The following RFESD variants were observed in gnomAD, a reference collection of about 807,000 sequenced individuals.
The protein encoded by RFESD is Rieske domain-containing protein.
A neutral mutation model predicts 24.4 loss-of-function variants in RFESD; 16 were observed. The observed-to-expected ratio is 0.66, with a 90% CI of 0.44 to 1.00. The LOEUF (loss-of-function observed/expected upper bound fraction) is 1.00. RFESD is among the 50% of genes least tolerant of loss of function. RFESD has a pLI of 0.00. For synonymous variants in RFESD, 59 were observed against 81.8 expected (o/e 0.72, Z 1.50); for missense variants, 208 against 247.0 (o/e 0.84, Z 1.06).
In RFESD at chr5:95,656,214, G is replaced by A. The variant is rs780581345; in HGVS notation, c.538G>A (p.Gly180Arg). Residue 180 changes from glycine to arginine, a missense_variant, in exon 6 of 6, where the codon GGA (glycine) becomes AGA (arginine). Gly to Arg is a moderately radical substitution (Grantham distance 125). Coordinates refer to ENST00000380005, the MANE Select transcript of RFESD (RefSeq NM_001131066.2). ...GATTCACACAGTGACAGTAGACAAC[G>A]GAAATATTTATGTGACTCTTTCTAA... ...QRIHTVTVDN[G>R]NIYVTLSNEP... The A allele has an allele frequency of 9.3e-6, 15 of 1,613,686 alleles. No homozygotes were observed. The Admixed American group carries it at 1.0e-4, about 11-fold the overall frequency.
At chr5:95,651,643 C>T (rs1209549500) in intron 1 of RFESD, among the ~76,000 whole-genome samples, 2 of 152,198 alleles carry the variant, frequency 1.3e-5, no homozygotes, top group African/African-American at 2.4e-5. Flanking sequence ...TTGATTTTCC[C>T]ACCCAGGCCT....
chr5:95,652,323 C>T lies in RFESD; in HGVS notation c.52C>T (p.Pro18Ser). The change falls in exon 2 of 6, where the codon CCT becomes TCT. Residue 18 changes from proline to serine, a missense_variant. By Grantham distance (74) the Pro-to-Ser change is moderately conservative. Coordinates refer to ENST00000380005, the MANE Select transcript of RFESD (RefSeq NM_001131066.2). ...TAGACCTTCTTCCTTATCTACACTT[C>T]CTCTCCAAGTGAGTCCATAGAATTC... ...CLRPSSLSTLPLQYGILFPKL... is the reference protein window; with the variant it reads ...CLRPSSLSTLSLQYGILFPKL... 1 of 1,550,852 alleles carries T rather than the reference C, an allele frequency of 6.4e-7. No individual in the cohort carries two copies. Among genetic ancestry groups the T allele is most frequent in the South Asian group, 1.2e-5 (1 of 83,908 alleles).
At chr5:95,652,612 G>T in intron 2 of RFESD, 1 of 331,172 alleles carries the variant, frequency 3.0e-6, no homozygotes. Flanking sequence ...TTTTTCTGTA[G>T]CATCTTCATT....
intron 1 of RFESD, among the ~76,000 whole-genome samples, chr5:95,648,700 T>C (rs1189376440): frequency 6.6e-6 from 1 of 152,196 alleles, no homozygotes; most frequent in Non-Finnish European, 1.5e-5. Flanking sequence ...TCTGCTCCTT[T>C]TTTATCAGTC....
chr5:95,654,409 A>G (rs778616889), intron 5 of RFESD, 42 bp downstream of exon 5: 47 of 1,266,674 alleles, frequency 3.7e-5, no homozygotes, highest in Non-Finnish European at 4.8e-5. Context: ...TCAGCAAATA[A>G]ATATATTCAA....
chr5:95,655,461 A>G (rs1490188587), intron 5 of RFESD: 5 of 152,266 alleles, frequency 3.3e-5, no homozygotes, highest in Non-Finnish European at 7.3e-5. Context: ...CTTCTTAGAC[A>G]TGCAGAATCT....
chr5:95,652,450 T>C (rs1477734805), intron 2 of RFESD, 119 bp downstream of exon 2: 1 of 1,268,296 alleles, frequency 7.9e-7, no homozygotes, highest in Non-Finnish European at 1.1e-6. Flanking sequence ...GTCTCTGAGA[T>C]ACCTTAAACT....
In RFESD at chr5:95,657,989, C is replaced by T. The variant is rs1349897075; in HGVS notation, c.*1680C>T. Reference sequence around the variant, plus strand: ...TTACAGAAATATTTTCTCATAGGAGCCACTGGCAATAATGAGTAGTGTGCA... The same window carrying T: ...TTACAGAAATATTTTCTCATAGGAGTCACTGGCAATAATGAGTAGTGTGCA... On this transcript the variant is annotated 3_prime_UTR_variant, in exon 6 of 6. Coordinates refer to ENST00000380005, the MANE Select transcript of RFESD (RefSeq NM_001131066.2). 2.6e-5 allele frequency: 4 copies of T among 152,142 alleles called. No individual in the cohort carries two copies. The highest frequency in any genetic ancestry group is 5.9e-5 in the Non-Finnish European group (4 of 68,014). The allele number at this position is 152,142 out of a possible 1,614,324, so 9.4% of individuals were successfully genotyped here.
chr5:95,650,621 C>T (rs1392797084), intron 1 of RFESD, among the ~76,000 whole-genome samples: 1 of 152,186 alleles, frequency 6.6e-6, no homozygotes, highest in African/African-American at 2.4e-5. Flanking sequence ...CATTTTAAAA[C>T]TTCCAATCAG....
chr5:95,654,001 T>G (rs1750542254), intron 3 of RFESD, 60 bp from the exon 4 acceptor site: 39 of 1,458,786 alleles, frequency 2.7e-5, no homozygotes, highest in Non-Finnish European at 3.7e-5. Context: ...GTTATCTCCA[T>G]TAAGCTGGAA....
chr5:95,657,941 C>CAG lies in RFESD; in HGVS notation c.*1632_*1633insAG, dbSNP rs80322625. The stretch of plus-strand genomic sequence containing the variant: ...TCAAAGTACTTTCTTCAGGCAAAAA[C>CAG]TAGCCCTGGTTTGCAGGAATAATTA... On this transcript the variant is annotated 3_prime_UTR_variant, in exon 6 of 6. Transcript: ENST00000380005. 4 of 151,864 alleles carry CAG rather than the reference C, an allele frequency of 2.6e-5. No individual in the cohort carries two copies. Among genetic ancestry groups the CAG allele is most frequent in the Non-Finnish European group, 5.9e-5 (4 of 67,930 alleles). The allele number at this position is 151,864 out of a possible 1,614,324, so 9.4% of individuals were successfully genotyped here.
rs1028333540 is a variant in RFESD, at chr5:95,656,124, C to A, written c.448C>A (p.Gln150Lys). The A allele has an allele frequency of 3.1e-6, 5 of 1,613,552 alleles. No homozygotes were observed. The African/African-American group carries it at 6.7e-5, about 22-fold the overall frequency. Reference sequence around the variant, plus strand: ...TTTGGCAACAGGAGAAGGTCTGTACCAGTCTATAAACCCTAAAGATCCATC... The same window carrying A: ...TTTGGCAACAGGAGAAGGTCTGTACAAGTCTATAAACCCTAAAGATCCATC... Reference protein sequence around the residue: ...ITLATGEGLYQSINPKDPSAK... With the variant: ...ITLATGEGLYKSINPKDPSAK... Residue 150 changes from glutamine (Q) to lysine (K), a missense_variant, in exon 6 of 6, where the codon CAG (glutamine) becomes AAG (lysine). Physicochemically the swap from Gln to Lys is moderately conservative, Grantham distance 53. Transcript: ENST00000380005.
chr5:95,654,982 G>A (rs1750651202), intron 5 of RFESD, among the ~76,000 whole-genome samples: 1 of 152,040 alleles, frequency 6.6e-6, no homozygotes, highest in African/African-American at 2.4e-5. Flanking sequence ...GAGGAACGGG[G>A]GAAGTTGTCT....
chr5:95,646,964 CG>C (rs1750125748), intron 1 of RFESD, 147 bp downstream of exon 1: 2 of 152,550 alleles, frequency 1.3e-5, no homozygotes, highest in African/African-American at 4.8e-5. Context: ...CGTTAGTTAA[CG>C]GTTAACCCGC....
chr5:95,648,406 G>A (rs1402324351), intron 1 of RFESD, among the ~76,000 whole-genome samples: 1 of 152,086 alleles, frequency 6.6e-6, no homozygotes, highest in Admixed American at 6.6e-5. Flanking sequence ...TCTTAAAGTA[G>A]ACTTAAAATC....
chr5:95,648,191 A>G (rs1385988157), intron 1 of RFESD: 1 of 152,214 alleles, frequency 6.6e-6, no homozygotes, highest in African/African-American at 2.4e-5. Context: ...AAAGGAATCT[A>G]ATAGTGACCG....
chr5:95,652,513 A>G (rs1170360969), intron 2 of RFESD, 182 bp downstream of exon 2: 17 of 781,046 alleles, frequency 2.2e-5, no homozygotes. Context: ...CAAAAATACC[A>G]TTCATTTCTT....
intron 1 of RFESD, among the ~76,000 whole-genome samples, chr5:95,651,842 GACAAACTTTAGAAAT>G (rs1750357326): frequency 6.6e-6 from 1 of 152,140 alleles, no homozygotes; most frequent in Non-Finnish European, 1.5e-5. Context: ...TGGAATAGGA[GACAAACTTTAGAAAT>G]ACAGGGAAAA....
chr5:95,656,094 ATTAC>A lies in RFESD; in HGVS notation c.421_424del (p.Thr141TrpfsTer11). The A allele has an allele frequency of 6.2e-7, 1 of 1,613,764 alleles. No individual in the cohort carries two copies. Among genetic ancestry groups the A allele is most frequent in the Non-Finnish European group, 8.5e-7 (1 of 1,179,694 alleles). On this transcript the variant is annotated frameshift_variant, in exon 6 of 6. Transcript: ENST00000380005. LOFTEE classifies it high-confidence loss of function. ...AGTTTGCCCCTGGCATAAATACAAA[ATTAC>A]TTTGGCAACAGGAGAAGGTCTGTAC...
Sources: gnomAD v4.1 joint callset for allele counts (sites outside exome capture counted in the v4.1 genomes callset) on GRCh38, gnomAD v4.1.1 for gene constraint, MANE v1.5 for transcripts, NCBI Gene and HGNC (gene_info 2026-07-23, HGNC 2026-07-21) for gene names.